The following SCML2 variants were observed in gnomAD, a reference collection of about 807,000 sequenced individuals.
SCML2 encodes Scm polycomb group protein like 2.
SCML2 carries 6 observed loss-of-function variants against 48.4 expected under a neutral mutation model. The observed-to-expected ratio is 0.12, with a 90% confidence interval of 0.07 to 0.24. SCML2 has a LOEUF of 0.24. Ranked by LOEUF, SCML2 falls within the 10% of genes least tolerant of loss-of-function variation. SCML2 has a pLI of 1.00. For synonymous variants in SCML2, 181 were observed against 189.5 expected, an observed-to-expected ratio of 0.95 and a Z score of 0.37; for missense variants, 377 against 528.2, an observed-to-expected ratio of 0.71 and a Z score of 2.81.
chrX:18,287,611 A>G (rs191211483), intron 7 of SCML2, among the ~76,000 whole-genome samples: 98 of 111,957 alleles, frequency 8.8e-4, no homozygotes, highest in African/African-American at 3.1e-3. Flanking sequence ...GTTGTTCTCT[A>G]CCGCCATACC....
At position 18,335,168 on chromosome X, in the gene SCML2, C is replaced by T. The variant is rs781707267; in HGVS notation, c.-24-1073G>A. 1.6e-4 allele frequency among the ~76,000 whole-genome samples: 18 copies of T among 109,939 alleles called. No homozygotes were observed. In the East Asian group the frequency reaches 4.9e-3, roughly 30 times the overall value. On this transcript the variant is annotated intron_variant, in intron 1 of 14. Transcript: ENST00000251900. ...CCAGGTAGTAAGTGAAGGTACTTAC[C>T]GACTCTCATCAAAGAGCAAAAACCT...
intron 1 of SCML2, among the ~76,000 whole-genome samples, chrX:18,348,663 C>A (rs1215175821): frequency 9.0e-6 from 1 of 111,564 alleles, no homozygotes; most frequent in Non-Finnish European, 1.9e-5. Context: ...ATTTATGAAA[C>A]TCTATCAAGT....
intron 7 of SCML2, among the ~76,000 whole-genome samples, chrX:18,279,592 A>G (rs1361086833): frequency 8.9e-6 from 1 of 112,394 alleles, no homozygotes; most frequent in African/African-American, 3.2e-5. Context: ...ATTCAAGAGA[A>G]AGCTGAAATC....
Position 18,241,115 on chromosome X carries a change from C to T in SCML2, c.*136G>A. On this transcript the variant is annotated 3_prime_UTR_variant, in exon 15 of 15. Coordinates refer to ENST00000251900, the MANE Select transcript of SCML2 (RefSeq NM_006089.3). ...AAAAACAAAGTTGACTGAACTGTTA[C>T]TACAGTTCTGCAATTCTGATAAAAT... is the stretch of plus-strand genomic sequence containing the variant. 3 of 552,470 alleles carry T rather than the reference C, an allele frequency of 5.4e-6. No individual in the cohort carries two copies. The highest frequency in any genetic ancestry group is 7.8e-6 in the Non-Finnish European group (3 of 383,735). 45.5% of individuals were successfully genotyped at this position (552,470 alleles called of 1,213,427 possible).
At chrX:18,343,989 C>T (rs978914774) in intron 1 of SCML2, among the ~76,000 whole-genome samples, 6 of 99,238 alleles carry the variant, frequency 6.0e-5, no homozygotes, top group Non-Finnish European at 8.2e-5. Flanking sequence ...AATAAAACTA[C>T]GAAACCAAAC....
chrX:18,331,052 G>A (rs1929639111), intron 2 of SCML2, among the ~76,000 whole-genome samples: 1 of 109,250 alleles, frequency 9.2e-6, no homozygotes, highest in South Asian at 4.0e-4. Flanking sequence ...ATGAGGTCAC[G>A]AGTTTGAGAC....
chrX:18,284,555 C>G (rs1272187823), intron 7 of SCML2, among the ~76,000 whole-genome samples: 1 of 111,824 alleles, frequency 8.9e-6, no homozygotes, highest in African/African-American at 3.3e-5. Context: ...CTTAAATCAA[C>G]AAGCAAAAAA....
At chrX:18,247,960 ACTTC>A in intron 11 of SCML2, 78 bp from the exon 12 acceptor site, 1 of 635,328 alleles carries the variant, frequency 1.6e-6, no homozygotes, top group Non-Finnish European at 2.5e-6. Flanking sequence ...AGCATGAAAC[ACTTC>A]TGTTTCTACA....
chrX:18,256,454 A>G (rs1323795961), intron 11 of SCML2, among the ~76,000 whole-genome samples: 2 of 111,433 alleles, frequency 1.8e-5, no homozygotes, highest in African/African-American at 3.3e-5. Context: ...CTCTGTCTCC[A>G]AAAACAACAA....
chrX:18,256,364 A>G (rs1926841803), intron 11 of SCML2, among the ~76,000 whole-genome samples: 2 of 111,280 alleles, frequency 1.8e-5, no homozygotes, highest in African/African-American at 6.5e-5. Context: ...AGACAGGAAG[A>G]TCGATTGAAT....
At chrX:18,313,449 G>A (rs1929024950) in intron 6 of SCML2, among the ~76,000 whole-genome samples, 2 of 111,249 alleles carry the variant, frequency 1.8e-5, no homozygotes, top group South Asian at 7.6e-4. Flanking sequence ...CCATGATCCT[G>A]AGGCCTCCCC....
intron 11 of SCML2, among the ~76,000 whole-genome samples, chrX:18,249,844 AAC>A (rs751699721): frequency 9.0e-6 from 1 of 111,305 alleles, no homozygotes; most frequent in Non-Finnish European, 1.9e-5. Flanking sequence ...GTTATGTCCC[AAC>A]ACACACAGAA....
At chrX:18,349,470 C>T (rs1569168174) in intron 1 of SCML2, among the ~76,000 whole-genome samples, 2 of 112,626 alleles carry the variant, frequency 1.8e-5, no homozygotes, top group East Asian at 2.8e-4. Context: ...ACTTTTCACA[C>T]AATAAGATAT....
At chrX:18,250,475 G>A (rs776235079) in intron 11 of SCML2, among the ~76,000 whole-genome samples, 4 of 108,459 alleles carry the variant, frequency 3.7e-5, no homozygotes, top group South Asian at 4.1e-4. Flanking sequence ...TCTGCCTCCC[G>A]GGTTCATGCC....
intron 3 of SCML2, among the ~76,000 whole-genome samples, chrX:18,326,675 A>G (rs1929490041): frequency 1.2e-5 from 1 of 84,993 alleles, no homozygotes. Context: ...ACAAGACTCC[A>G]TCTCAAAAAA....
chrX:18,242,139 G>T (rs1441776954), intron 14 of SCML2, among the ~76,000 whole-genome samples: 3 of 111,587 alleles, frequency 2.7e-5, no homozygotes, highest in Middle Eastern at 4.7e-3. Flanking sequence ...GGAGCAGGTC[G>T]GGGAGGATCC....
At chrX:18,346,400 AAAC>A (rs778775577) in intron 1 of SCML2, among the ~76,000 whole-genome samples, 39 of 112,283 alleles carry the variant, frequency 3.5e-4, no homozygotes, top group East Asian at 3.1e-3. Flanking sequence ...CCAAAAAAAG[AAAC>A]AACAAGCCAA....
intron 6 of SCML2, among the ~76,000 whole-genome samples, chrX:18,313,514 G>A (rs1929026260): frequency 9.0e-6 from 1 of 111,596 alleles, no homozygotes. Context: ...TCTTAGGCAT[G>A]TCTTTATCAG....
chrX:18,343,095 T>C (rs1930068495), intron 1 of SCML2, among the ~76,000 whole-genome samples: 1 of 111,350 alleles, frequency 9.0e-6, no homozygotes, highest in Non-Finnish European at 1.9e-5. Context: ...TCTGGGGTTT[T>C]TTGTTTGGAG....
Sources: gnomAD v4.1 joint callset for allele counts (sites outside exome capture counted in the v4.1 genomes callset) on GRCh38, gnomAD v4.1.1 for gene constraint, MANE v1.5 for transcripts, NCBI Gene and HGNC (gene_info 2026-07-23, HGNC 2026-07-21) for gene names.